The following ALMS1 variants were observed in gnomAD, a reference collection of about 807,000 sequenced individuals.
The protein encoded by ALMS1 is ALMS1 centrosome and basal body associated protein.
Under a neutral mutation model 352.2 loss-of-function variants are expected in ALMS1, and 271 were observed. The observed-to-expected ratio is 0.77, with a 90% confidence interval of 0.70 to 0.85. The LOEUF (loss-of-function observed/expected upper bound fraction) is 0.85, where lower values mean the gene tolerates loss of function less well. Among genes scored for constraint, ALMS1 ranks in the 40% least tolerant of loss-of-function variants. ALMS1 has a pLI of 0.00. For synonymous variants in ALMS1, 1,865 were observed against 1,761.2 expected (o/e 1.06, Z -1.48); for missense variants, 5,445 against 4,870.7 (o/e 1.12, Z -3.51).
At chr2:73,407,746 C>G (rs747292655) in intron 1 of ALMS1, among the ~76,000 whole-genome samples, 1 of 151,982 alleles carries the variant, frequency 6.6e-6, no homozygotes, top group South Asian at 2.1e-4. Flanking sequence ...TTAGTAGAGA[C>G]GGGGTTTTGC....
chr2:73,399,343 G>A (rs979227422), intron 1 of ALMS1, among the ~76,000 whole-genome samples: 8 of 152,032 alleles, frequency 5.3e-5, no homozygotes, highest in Non-Finnish European at 1.0e-4. Flanking sequence ...CCTGAGGCTG[G>A]GTAAGTTACA....
At chr2:73,566,467 G>A (rs1674803050) in intron 15 of ALMS1, among the ~76,000 whole-genome samples, 2 of 152,222 alleles carry the variant, frequency 1.3e-5, no homozygotes, top group African/African-American at 2.4e-5. Context: ...GTGGGATGGA[G>A]CAGGATGACA....
At chr2:73,571,587 T>G (rs1448366389) in intron 15 of ALMS1, among the ~76,000 whole-genome samples, 1 of 152,102 alleles carries the variant, frequency 6.6e-6, no homozygotes, top group Non-Finnish European at 1.5e-5. Flanking sequence ...TACTATTATA[T>G]TGGGGATTAT....
At chr2:73,476,625 A>G (rs1379946399) in intron 9 of ALMS1, among the ~76,000 whole-genome samples, 1 of 151,792 alleles carries the variant, frequency 6.6e-6, no homozygotes, top group African/African-American at 2.4e-5. Flanking sequence ...ACAGGTCTGA[A>G]TTGATGTCTC....
chr2:73,414,145 C>G (rs1671132975), intron 2 of ALMS1, among the ~76,000 whole-genome samples: 1 of 152,118 alleles, frequency 6.6e-6, no homozygotes, highest in Non-Finnish European at 1.5e-5. Flanking sequence ...ATTGAGTTTT[C>G]TAATCCATAA....
rs1671972921 is a variant in ALMS1, at chr2:73,452,682, T to C, written c.6155T>C (p.Val2052Ala). The C allele has an allele frequency of 6.2e-7, 1 of 1,613,794 alleles. No individual in the cohort carries two copies. Among genetic ancestry groups the C allele is most frequent in the East Asian group, 2.2e-5 (1 of 44,862 alleles). ...TAFHSSYSQT[V>A]KPNILFQQQL... ...TTTCATAGTTCCTATTCTCAAACAG[T>C]AAAGCCCAATATTTTATTTCAACAG... Residue 2052 changes from valine to alanine, a missense_variant, in exon 8 of 23, where the codon GTA becomes GCA. Transcript: ENST00000613296.
At position 73,451,990 on chromosome 2, in the gene ALMS1, G is replaced by A. The variant is rs62151609; in HGVS notation, c.5463G>A (p.Pro1821=). ...TTGTTTCCTACCAGCGAGAGTTGCCGCATTTTACTGAAGCAGGTTTGAAAA... is the reference window on the plus strand; with the variant it reads ...TTGTTTCCTACCAGCGAGAGTTGCCACATTTTACTGAAGCAGGTTTGAAAA... ...KPIVSYQREL[P]HFTEAGLKIL... The change falls in exon 8 of 23, where the codon CCG becomes CCA. Residue 1821 remains proline, a synonymous_variant. Coordinates refer to ENST00000613296, the MANE Select transcript of ALMS1 (RefSeq NM_001378454.1). The A allele has an allele frequency of 7.9e-3, 12,774 of 1,612,522 alleles. 79 individuals carry two copies. The highest frequency in any genetic ancestry group is 8.2e-3 in the Non-Finnish European group (9,686 of 1,179,574).
chr2:73,440,517 G>A lies in ALMS1; in HGVS notation c.1433-7443G>A, dbSNP rs115560885. On this transcript the variant is annotated intron_variant, in intron 7 of 22. Coordinates refer to ENST00000613296, the MANE Select transcript of ALMS1 (RefSeq NM_001378454.1). ...CGGCTCACTGAAACCTCTGCTTCCG[G>A]GGTTCAGGCAATTCTCGTGTCTCAG... Among the ~76,000 whole-genome samples the A allele has an allele frequency of 6.4e-3, 966 of 151,974 alleles. 11 individuals carry two copies. The highest frequency in any genetic ancestry group is 0.021 in the African/African-American group (855 of 41,448).
intron 9 of ALMS1, among the ~76,000 whole-genome samples, chr2:73,461,186 C>A (rs1305469061): frequency 2.6e-5 from 4 of 152,234 alleles, no homozygotes; most frequent in Non-Finnish European, 4.4e-5. Flanking sequence ...GGAGGCACCC[C>A]CCAGGAGGGG....
At chr2:73,455,439 T>C in intron 9 of ALMS1, 144 bp downstream of exon 9, 1 of 1,047,284 alleles carries the variant, frequency 9.5e-7, no homozygotes, top group East Asian at 2.6e-5. Flanking sequence ...AGTCTTGCTC[T>C]GTTGCCCAGG....
rs779627537 is a variant in ALMS1 at position 73,534,940 on chromosome 2, T to C, written c.9898T>C (p.Ser3300Pro). 4 of 1,613,784 alleles carry C rather than the reference T, an allele frequency of 2.5e-6. No individual in the cohort carries two copies. The highest frequency in any genetic ancestry group is 1.7e-4 in the Middle Eastern group (1 of 6,058). Residue 3300 changes from serine to proline, a missense_variant, in exon 12 of 23, where the codon TCC becomes CCC. Ser to Pro is a moderately conservative substitution (Grantham distance 74). Transcript: ENST00000613296. ...DSKSDTTVES[S>P]HSGSNDAIAP... ...CAAATCAGATACCACCGTTGAAAGC[T>C]CCCATTCAGGTATTATGCAGAAATT...
At position 73,451,389 on chromosome 2, in the gene ALMS1, G is replaced by T. The variant is rs758064919; in HGVS notation, c.4862G>T (p.Gly1621Val). Reference sequence around the variant, plus strand: ...GGACCTTTAGGTTCCAGTGCACTTGGAGAGAAGCCCATTACTTTCTACCGG... The same window carrying T: ...GGACCTTTAGGTTCCAGTGCACTTGTAGAGAAGCCCATTACTTTCTACCGG... Reference protein sequence around the residue: ...PAGPLGSSALGEKPITFYRQA... With the variant: ...PAGPLGSSALVEKPITFYRQA... The change falls in exon 8 of 23, where the codon GGA (glycine) becomes GTA (valine). Residue 1621 changes from glycine to valine, a missense_variant. Coordinates refer to ENST00000613296, the MANE Select transcript of ALMS1 (RefSeq NM_001378454.1). The T allele has an allele frequency of 1.2e-6, 2 of 1,613,888 alleles. No individual in the cohort carries two copies. The highest frequency in any genetic ancestry group is 2.2e-5 in the South Asian group (2 of 91,070).
chr2:73,489,562 T>A, intron 9 of ALMS1, 72 bp from the exon 10 acceptor site: 1 of 1,564,346 alleles, frequency 6.4e-7, no homozygotes, highest in Non-Finnish European at 8.8e-7. Flanking sequence ...TAAAACTGAT[T>A]TGTATAAAAC....
chr2:73,534,792 C>G, intron 11 of ALMS1, 32 bp from the exon 12 acceptor site: 1 of 1,607,522 alleles, frequency 6.2e-7, no homozygotes, highest in South Asian at 1.1e-5. Flanking sequence ...AAATGTTTTT[C>G]ATATTAATTG....
rs1209512957 is a variant in ALMS1 at position 73,573,077 on chromosome 2, T to A, written c.11200T>A (p.Ser3734Thr). 5 of 1,614,058 alleles carry A rather than the reference T, an allele frequency of 3.1e-6. No homozygotes were observed. The Admixed American group carries it at 5.0e-5, about 16-fold the overall frequency. Residue 3734 changes from serine to threonine, a missense_variant, in exon 16 of 23, where the codon TCT (serine) becomes ACT (threonine). Ser to Thr is a moderately conservative substitution (Grantham distance 58). Transcript: ENST00000613296. ...QPGFNYISNT[S>T]SDCRPSEESE... The stretch of plus-strand genomic sequence containing the variant: ...AGGTTTTAATTATATAAGCAACACT[T>A]CTTCGGATTGTCGGCCCTCAGAGGA...
rs1250963842 is a variant in ALMS1, at chr2:73,386,110, A to G, written c.242A>G (p.Gln81Arg). 1.1e-5 allele frequency: 17 copies of G among 1,588,340 alleles called. No homozygotes were observed. Among genetic ancestry groups the G allele is most frequent in the Non-Finnish European group, 1.5e-5 (17 of 1,168,032 alleles). ...GACGAGGAGGCCAAGGCCTGGCTGC[A>G]GGCGCACCCCGGCAGGATTTTGCCT... Reference protein sequence around the residue: ...EEDEEAKAWLQAHPGRILPPL... With the variant: ...EEDEEAKAWLRAHPGRILPPL... Residue 81 changes from glutamine (Q) to arginine (R), a missense_variant, in exon 1 of 23, where the codon CAG (glutamine) becomes CGG (arginine). By Grantham distance (43) the Gln-to-Arg change is conservative. Coordinates refer to ENST00000613296, the MANE Select transcript of ALMS1 (RefSeq NM_001378454.1).
chr2:73,493,653 C>A (rs756364345), intron 10 of ALMS1, among the ~76,000 whole-genome samples: 2 of 151,654 alleles, frequency 1.3e-5, no homozygotes. Flanking sequence ...ACCTGGGAGG[C>A]GGAGGCTGCA....
intron 12 of ALMS1, among the ~76,000 whole-genome samples, chr2:73,537,704 A>C (rs892417265): frequency 6.6e-6 from 1 of 152,162 alleles, no homozygotes; most frequent in African/African-American, 2.4e-5. Context: ...GAGTTGGCGC[A>C]TTGTATTACT....
At chr2:73,588,750 A>G (rs572345070) in intron 16 of ALMS1, among the ~76,000 whole-genome samples, 1 of 152,326 alleles carries the variant, frequency 6.6e-6, no homozygotes, top group East Asian at 1.9e-4. Flanking sequence ...AATAAACAAC[A>G]CAAGCAAACT....
Sources: allele counts gnomAD v4.1 joint callset (sites outside exome capture counted in the v4.1 genomes callset), GRCh38; gene constraint gnomAD v4.1.1; transcripts MANE v1.5; gene names NCBI Gene and HGNC (gene_info 2026-07-23, HGNC 2026-07-21).